Variants in ING5 observed in about 807,000 individuals in gnomAD.
The protein encoded by ING5 is inhibitor of growth protein 5.
ING5 carries 17 observed loss-of-function variants against 37.4 expected under a neutral mutation model. The observed-to-expected ratio is 0.45, with a 90% CI of 0.31 to 0.68. The LOEUF (loss-of-function observed/expected upper bound fraction) is 0.68, where lower values mean the gene tolerates loss of function less well. Among genes scored for constraint, ING5 ranks in the 30% least tolerant of loss-of-function variants. ING5 has a pLI of 0.05. For synonymous variants in ING5, 123 were observed against 116.6 expected (o/e 1.06, Z -0.36); for missense variants, 233 against 311.9 (o/e 0.75, Z 1.91).
chr2:241,691,089 C>T (rs1043241250), intron 2 of ING5, among the ~76,000 whole-genome samples: 4 of 151,536 alleles, frequency 2.6e-5, no homozygotes, highest in African/African-American at 4.8e-5. Context: ...GGATTACAGG[C>T]GTGAGCCAGC....
Position 241,712,921 on chromosome 2 carries a change from G to A in ING5, c.482+850G>A, listed in dbSNP as rs865930818. 9.9e-5 allele frequency among the ~76,000 whole-genome samples: 15 copies of A among 151,608 alleles called. No individual in the cohort carries two copies. The South Asian group carries it at 3.1e-3, about 32-fold the overall frequency. ...TGTGGGCTGTAGTCCCAGCTACTAG[G>A]GAAAGCTGAGCTGGGAGGATCATGA... On this transcript the variant is annotated intron_variant, in intron 5 of 7. Coordinates refer to ENST00000313552, the MANE Select transcript of ING5 (RefSeq NM_032329.6).
At chr2:241,700,294 T>C (rs1046119841), upstream of ING5, among the ~76,000 whole-genome samples, 38 of 151,284 alleles carry the variant, frequency 2.5e-4, no homozygotes, top group Admixed American at 2.4e-3. Context: ...GTAGCTGGGA[T>C]TACAGGCGCC....
upstream of ING5, among the ~76,000 whole-genome samples, chr2:241,701,497 T>G (rs1394620626): frequency 6.6e-6 from 1 of 152,050 alleles, no homozygotes; most frequent in Non-Finnish European, 1.5e-5. Flanking sequence ...GCCCAGGCCC[T>G]GAGGGAGGGG....
intron 1 of ING5, among the ~76,000 whole-genome samples, chr2:241,702,517 C>T (rs972007509): frequency 1.6e-5 from 2 of 122,700 alleles, no homozygotes; most frequent in African/African-American, 2.8e-5. Flanking sequence ...CTGCGGGGCT[C>T]CGGGCCTTGG....
chr2:241,707,413 C>T (rs1180524910), intron 2 of ING5, among the ~76,000 whole-genome samples: 2 of 152,228 alleles, frequency 1.3e-5, no homozygotes, highest in East Asian at 3.9e-4. Context: ...GCCTCAGCCT[C>T]CCGAGTAGCT....
intron 5 of ING5, among the ~76,000 whole-genome samples, chr2:241,713,043 A>G (rs1200013243): frequency 1.3e-5 from 2 of 151,132 alleles, no homozygotes; most frequent in East Asian, 1.9e-4. Flanking sequence ...TTCTTGACAA[A>G]AAAGGGACAA....
chr2:241,696,624 A>C (rs1193376337), intron 2 of ING5, among the ~76,000 whole-genome samples: 1 of 152,048 alleles, frequency 6.6e-6, no homozygotes. Flanking sequence ...ACTCTACAGA[A>C]AAAAAATTAA....
At chr2:241,704,038 A>G (rs4675892) in intron 1 of ING5, among the ~76,000 whole-genome samples, 33,213 of 152,130 alleles carry the variant, frequency 0.22, 4,090 homozygotes, top group East Asian at 0.43. Context: ...GAGCCTTGGA[A>G]GATGCTGCTC....
upstream of ING5, among the ~76,000 whole-genome samples, chr2:241,700,306 G>A (rs555708889): frequency 5.9e-5 from 9 of 151,902 alleles, no homozygotes; most frequent in African/African-American, 2.2e-4. Context: ...ACAGGCGCCC[G>A]CCACCATGCC....
At chr2:241,706,925 A>T (rs2069933321) in intron 2 of ING5, among the ~76,000 whole-genome samples, 1 of 150,334 alleles carries the variant, frequency 6.7e-6, no homozygotes, top group Non-Finnish European at 1.5e-5. Context: ...CTGAAGTTTT[A>T]AATTTCATGA....
chr2:241,719,714 C>G, intron 5 of ING5: 1 of 1,493,188 alleles, frequency 6.7e-7, no homozygotes, highest in East Asian at 2.5e-5. Context: ...AGGGCTCTGC[C>G]CAGCTTCAGA....
chr2:241,723,300 C>T, intron 7 of ING5, 29 bp downstream of exon 7: 2 of 1,610,018 alleles, frequency 1.2e-6, no homozygotes, highest in East Asian at 4.5e-5. Context: ...GCTCTGTTTT[C>T]TCCCAGTCTG....
chr2:241,707,577 G>A (rs921365857), intron 2 of ING5, among the ~76,000 whole-genome samples: 4 of 152,172 alleles, frequency 2.6e-5, no homozygotes, highest in African/African-American at 9.7e-5. Context: ...ACAGACGTGA[G>A]TACCACACCC....
chr2:241,710,352 G>A (rs1276461841), intron 3 of ING5, among the ~76,000 whole-genome samples: 3 of 152,170 alleles, frequency 2.0e-5, no homozygotes, highest in East Asian at 3.9e-4. Context: ...GCCCAGACTA[G>A]GGTGCAGTGG....
At chr2:241,711,727 C>A (rs1413321357) in intron 4 of ING5, 1 of 565,356 alleles carries the variant, frequency 1.8e-6, no homozygotes, top group South Asian at 2.3e-5. Context: ...ATAGCGAGAC[C>A]TCATCTCAAC....
intron 5 of ING5, among the ~76,000 whole-genome samples, chr2:241,718,409 C>G (rs1575137292): frequency 1.0e-5 from 1 of 96,980 alleles, no homozygotes; most frequent in African/African-American, 3.9e-5. Flanking sequence ...TCCTTCTTTT[C>G]TCTTTCTGTC....
At chr2:241,720,690 AG>A (rs1325163212) in intron 5 of ING5, 26 of 985,422 alleles carry the variant, frequency 2.6e-5, no homozygotes, top group Non-Finnish European at 3.1e-5. Context: ...CCGTCTGGCG[AG>A]GGGTGCCTGC....
exon 1 of ING5, chr2:241,687,535 T>TTA: frequency 2.8e-6 from 1 of 355,490 alleles, no homozygotes; most frequent in Non-Finnish European, 4.9e-6. Context: ...TTTTGTTGTT[T>TTA]TTGTTTGTTT....
intron 2 of ING5, among the ~76,000 whole-genome samples, chr2:241,708,600 T>G (rs1185347087): frequency 6.6e-6 from 1 of 152,228 alleles, no homozygotes. Context: ...TTCTTTTGTT[T>G]CTTGCTCTTT....
Sources: allele counts gnomAD v4.1 joint callset (sites outside exome capture counted in the v4.1 genomes callset), GRCh38; gene constraint gnomAD v4.1.1; transcripts MANE v1.5; gene names NCBI Gene and HGNC (gene_info 2026-07-23, HGNC 2026-07-21).